STK32B: variants seen among roughly 807,000 people sequenced by gnomAD.
STK32B encodes the protein serine/threonine kinase 32B, also known as serine/threonine-protein kinase 32B.
A neutral mutation model predicts 52.6 loss-of-function variants in STK32B; 43 were observed. The ratio of observed to expected loss-of-function variants is 0.82; its 90% CI spans 0.64 to 1.05. The LOEUF (loss-of-function observed/expected upper bound fraction) is 1.05, where lower values mean the gene tolerates loss of function less well. Among genes scored for constraint, STK32B ranks in the 50% least tolerant of loss-of-function variants. STK32B has a pLI of 0.00. For missense variants in STK32B, 621 were observed against 534.6 expected, an observed-to-expected ratio of 1.16 and a Z score of -1.59; for synonymous variants, 238 against 204.3, an observed-to-expected ratio of 1.17 and a Z score of -1.41.
intron 1 of STK32B, among the ~76,000 whole-genome samples, chr4:5,069,285 C>CACA (rs1380071989): frequency 2.0e-5 from 3 of 151,186 alleles, no homozygotes; most frequent in Non-Finnish European, 4.4e-5. Flanking sequence ...CTCCACCTCC[C>CACA]AGGTTCACAA....
chr4:5,249,422 TCTTCCTTCCTTCCTACCTACCTTC>T (rs1295547601), intron 3 of STK32B, among the ~76,000 whole-genome samples: 170 of 131,586 alleles, frequency 1.3e-3, no homozygotes, highest in African/African-American at 2.1e-3. Context: ...GCCTGTCTGT[TCTTCCTTCCTTCCTACCTACCTTC>T]CTTCCTTCCT....
chr4:5,138,851 C>G (rs75783575), intron 1 of STK32B, among the ~76,000 whole-genome samples: 7 of 152,156 alleles, frequency 4.6e-5, no homozygotes, highest in Non-Finnish European at 7.3e-5. Context: ...GGAGTAGCTG[C>G]TCTCACGTGT....
chr4:5,368,584 A>G (rs750391165), intron 4 of STK32B, among the ~76,000 whole-genome samples: 4 of 152,216 alleles, frequency 2.6e-5, no homozygotes, highest in Admixed American at 1.3e-4. Flanking sequence ...AGGCACTGCA[A>G]TGTGCCCAAG....
chr4:5,449,824 C>T (rs1270873773), intron 7 of STK32B, among the ~76,000 whole-genome samples: 2 of 152,108 alleles, frequency 1.3e-5, no homozygotes, highest in Non-Finnish European at 2.9e-5. Context: ...GAATCTAATG[C>T]CTGATGATCT....
intron 3 of STK32B, among the ~76,000 whole-genome samples, chr4:5,248,936 G>A (rs7664401): frequency 0.04 from 6,010 of 149,062 alleles, 394 homozygotes; most frequent in African/African-American, 0.14. Context: ...GGGGTGGGGG[G>A]AGAGGGGAGG....
At chr4:5,461,605 TC>T (rs1717029611) in intron 9 of STK32B, among the ~76,000 whole-genome samples, 1 of 152,180 alleles carries the variant, frequency 6.6e-6, no homozygotes, top group Non-Finnish European at 1.5e-5. Flanking sequence ...TCCCGTCCTC[TC>T]CCTGTGAGCA....
intron 4 of STK32B, among the ~76,000 whole-genome samples, chr4:5,331,594 G>C (rs778503307): frequency 6.6e-6 from 1 of 152,038 alleles, no homozygotes. Context: ...TCCTATACCC[G>C]TACACTACTG....
intron 6 of STK32B, among the ~76,000 whole-genome samples, chr4:5,427,201 C>A (rs1052441473): frequency 6.6e-6 from 1 of 152,306 alleles, no homozygotes; most frequent in Non-Finnish European, 1.5e-5. Flanking sequence ...TGCTGACTGA[C>A]TTTGAAATGT....
intron 4 of STK32B, among the ~76,000 whole-genome samples, chr4:5,365,538 T>G (rs1734821304): frequency 6.6e-6 from 1 of 152,226 alleles, no homozygotes; most frequent in Non-Finnish European, 1.5e-5. Context: ...CCTGCATTCT[T>G]AAAAAGCTGC....
At chr4:5,175,037 T>A (rs1471566546) in intron 3 of STK32B, among the ~76,000 whole-genome samples, 4 of 152,210 alleles carry the variant, frequency 2.6e-5, no homozygotes, top group Non-Finnish European at 5.9e-5. Context: ...CCTTCTCGCT[T>A]CATTTCATTC....
At chr4:5,148,964 A>C (rs1236847980) in intron 2 of STK32B, among the ~76,000 whole-genome samples, 1 of 151,836 alleles carries the variant, frequency 6.6e-6, no homozygotes, top group Non-Finnish European at 1.5e-5. Flanking sequence ...CTATTATAAA[A>C]TATCCTTCTC....
chr4:5,028,471 C>T, the STK32B span, among the ~76,000 whole-genome samples: 3 of 152,188 alleles, frequency 2.0e-5, no homozygotes, highest in East Asian at 1.9e-4. Flanking sequence ...TACAAAGTGA[C>T]GTAAGAGAAA....
At chr4:5,389,075 T>C (rs546447356) in intron 4 of STK32B, among the ~76,000 whole-genome samples, 5 of 152,234 alleles carry the variant, frequency 3.3e-5, no homozygotes, top group African/African-American at 1.2e-4. Context: ...AAGAAGGAAA[T>C]GATTTGAGTA....
intron 3 of STK32B, among the ~76,000 whole-genome samples, chr4:5,295,508 G>A (rs1286187327): frequency 2.0e-5 from 3 of 152,158 alleles, no homozygotes; most frequent in South Asian, 4.1e-4. Flanking sequence ...TTGGGAGGGT[G>A]TGTGTGTCCT....
chr4:5,079,176 T>C (rs1336175580), intron 1 of STK32B, among the ~76,000 whole-genome samples: 1 of 152,186 alleles, frequency 6.6e-6, no homozygotes, highest in Non-Finnish European at 1.5e-5. Flanking sequence ...TGCAGAATAC[T>C]CCATCATTGG....
In STK32B at chr4:5,114,804, G is replaced by T. The variant is rs76873096; in HGVS notation, c.53-25101G>T. ...GTAGCTATTCAGGAAGCCAGGTAGT[G>T]CTCTAACTGGGAGAACCCAGGCTCG... is the stretch of plus-strand genomic sequence containing the variant. On this transcript the variant is annotated intron_variant, in intron 1 of 11. Transcript: ENST00000282908. Among the ~76,000 whole-genome samples the T allele has an allele frequency of 4.2e-3, 646 of 152,280 alleles. 29 individuals are homozygous for T. In the East Asian group the frequency reaches 0.098, roughly 23 times the overall value.
intron 3 of STK32B, among the ~76,000 whole-genome samples, chr4:5,204,454 G>GTTTTTTTT (rs1722408735): frequency 4.2e-5 from 1 of 23,758 alleles, no homozygotes; most frequent in Admixed American, 4.1e-4. Context: ...TTGTTTTTTA[G>GTTTTTTTT]GTTTTTTTGT....
chr4:5,066,900 A>G (rs1742446513), intron 1 of STK32B, among the ~76,000 whole-genome samples: 1 of 152,170 alleles, frequency 6.6e-6, no homozygotes, highest in Non-Finnish European at 1.5e-5. Flanking sequence ...AATTCCTCCT[A>G]GAAGGTCCCT....
intron 3 of STK32B, among the ~76,000 whole-genome samples, chr4:5,217,166 A>G (rs1723229329): frequency 6.6e-6 from 1 of 152,174 alleles, no homozygotes; most frequent in African/African-American, 2.4e-5. Flanking sequence ...TGGGCCCCTT[A>G]TACAATACAT....
Sources: allele counts gnomAD v4.1 joint callset (sites outside exome capture counted in the v4.1 genomes callset), GRCh38; gene constraint gnomAD v4.1.1; transcripts MANE v1.5; gene names NCBI Gene and HGNC (gene_info 2026-07-23, HGNC 2026-07-21).